Variants in TRPM6 observed in about 807,000 individuals in gnomAD.
TRPM6 encodes the protein channel kinase 2.
In TRPM6, 111 loss-of-function variants were observed where a neutral mutation model predicts 247.6. The ratio of observed to expected loss-of-function variants is 0.45; its 90% CI spans 0.38 to 0.52. TRPM6 has a LOEUF of 0.52. TRPM6 is among the 20% of genes least tolerant of loss of function. TRPM6 has a pLI of 0.00. For synonymous variants in TRPM6, 892 were observed against 853.8 expected, an observed-to-expected ratio of 1.04 and a Z score of -0.78; for missense variants, 2,126 against 2,421.5, an observed-to-expected ratio of 0.88 and a Z score of 2.56.
chr9:74,761,667 C>T, intron 27 of TRPM6, 29 bp downstream of exon 27: 1 of 1,445,140 alleles, frequency 6.9e-7, no homozygotes. Context: ...CTGCTCAAAA[C>T]CTAAAAGACA....
At chr9:74,750,287 T>C (rs1300973082) in intron 30 of TRPM6, among the ~76,000 whole-genome samples, 5 of 152,212 alleles carry the variant, frequency 3.3e-5, no homozygotes, top group African/African-American at 9.7e-5. Flanking sequence ...TAATCAGGTG[T>C]TCAGTCTAAG....
rs1172694332 is a variant in TRPM6 at position 74,723,483 on chromosome 9, T to C, written c.*1130A>G. The stretch of plus-strand genomic sequence containing the variant: ...ACCCTTTCTTAATGATTTCCAGTTC[T>C]TCATATTCTTGTTCTCGTTTAAAAA... On this transcript the variant is annotated 3_prime_UTR_variant, in exon 39 of 39. Transcript: ENST00000360774. 1.3e-5 allele frequency: 2 copies of C among 150,622 alleles called. No homozygotes were observed. Among genetic ancestry groups the C allele is most frequent in the East Asian group, 3.9e-4 (2 of 5,144 alleles). The allele number at this position is 150,622 out of a possible 1,614,324, so 9.3% of individuals were successfully genotyped here.
chr9:74,783,809 C>T (rs531543880), intron 21 of TRPM6, among the ~76,000 whole-genome samples: 1 of 152,204 alleles, frequency 6.6e-6, no homozygotes, highest in African/African-American at 2.4e-5. Context: ...TGTCTCTTTT[C>T]TGTCCTCTTT....
Position 74,750,670 on chromosome 9 carries a change from T to C in TRPM6, c.5051A>G (p.Asn1684Ser), listed in dbSNP as rs760792729. 3.9e-5 allele frequency: 63 copies of C among 1,613,400 alleles called. No individual in the cohort carries two copies. In the South Asian group the frequency reaches 5.8e-4, roughly 15 times the overall value. ...WNSRSTNLNR[N>S]SLLKSSIGVD... The stretch of plus-strand genomic sequence containing the variant: ...AACATTTAGAAATACTCACAGGGAG[T>C]TCCTATTGAGGTTGGTGCTCCTGGA... The change falls in exon 30 of 39, where the codon AAC becomes AGC. Residue 1684 changes from asparagine to serine, a missense_variant. Physicochemically the swap from Asn to Ser is conservative, Grantham distance 46 (BLOSUM62 1). This residue lies in a region of TRPM6 where 717 missense variants were observed against 715.9 expected (regional missense o/e 1.00). Coordinates refer to ENST00000360774, the MANE Select transcript of TRPM6 (RefSeq NM_017662.5).
intron 23 of TRPM6, among the ~76,000 whole-genome samples, chr9:74,779,506 C>T (rs985982092): frequency 2.6e-5 from 4 of 152,112 alleles, no homozygotes; most frequent in Non-Finnish European, 5.9e-5. Flanking sequence ...TGACTCTCAA[C>T]CCCTGTCTTC....
At chr9:74,752,231 C>G in intron 29 of TRPM6, 46 bp downstream of exon 29, 1 of 1,154,838 alleles carries the variant, frequency 8.7e-7, no homozygotes, top group Non-Finnish European at 1.3e-6. Flanking sequence ...AAGAGTAGCA[C>G]TGCATGCTCG....
chr9:74,785,192 G>T (rs571465540), intron 21 of TRPM6, among the ~76,000 whole-genome samples: 1 of 152,140 alleles, frequency 6.6e-6, no homozygotes, highest in African/African-American at 2.4e-5. Flanking sequence ...GAAGCCAGGC[G>T]TGATGGTGCA....
chr9:74,782,508 A>G (rs1827498245), intron 22 of TRPM6, 32 bp from the exon 23 acceptor site: 3 of 1,562,696 alleles, frequency 1.9e-6, no homozygotes, highest in Non-Finnish European at 2.6e-6. Context: ...AGAATGAAAG[A>G]TAAGATGAAT....
rs1179659817 is a variant in TRPM6, at chr9:74,887,392, G to A, written c.33+432C>T. 4 of 1,382,660 alleles carry A rather than the reference G, an allele frequency of 2.9e-6. No individual in the cohort carries two copies. In the African/African-American group the frequency reaches 4.4e-5, roughly 15 times the overall value. The allele number at this position is 1,382,660 out of a possible 1,614,324, so 85.6% of individuals were successfully genotyped here. A position where few individuals can be genotyped will look rare whatever the true frequency, so the allele number is the denominator to read the frequency against. ...GCGTCCGGGTCTGAGATCTGTGCCC[G>A]TGGCAGCTCAAAACGCGCCTTCTCT... On this transcript the variant is annotated intron_variant, in intron 1 of 38. Coordinates refer to ENST00000360774, the MANE Select transcript of TRPM6 (RefSeq NM_017662.5).
At chr9:74,810,921 G>T in intron 12 of TRPM6, 53 bp from the exon 13 acceptor site, 1 of 1,487,654 alleles carries the variant, frequency 6.7e-7, no homozygotes, top group Non-Finnish European at 9.4e-7. Context: ...CATGTGCTGG[G>T]GGGTAAAACC....
intron 1 of TRPM6, among the ~76,000 whole-genome samples, chr9:74,864,610 G>A (rs1830787797): frequency 6.6e-6 from 1 of 152,192 alleles, no homozygotes; most frequent in African/African-American, 2.4e-5. Context: ...CACTTTGGTG[G>A]TAAAAGGTGA....
intron 14 of TRPM6, chr9:74,804,497 C>T: frequency 1.4e-6 from 1 of 694,010 alleles, no homozygotes; most frequent in Non-Finnish European, 2.6e-6. Flanking sequence ...TCTATTTCTA[C>T]AGAGATCCTG....
chr9:74,784,264 G>GAAA (rs561088762), intron 21 of TRPM6, among the ~76,000 whole-genome samples: 5 of 81,800 alleles, frequency 6.1e-5, no homozygotes, highest in Non-Finnish European at 1.3e-4. Context: ...CTCCATCTCA[G>GAAA]AAAAAAAAAA....
At chr9:74,785,825 A>G in intron 21 of TRPM6, 49 bp downstream of exon 21, 3 of 1,612,012 alleles carry the variant, frequency 1.9e-6, no homozygotes, top group Non-Finnish European at 1.7e-6. Context: ...ACCTGGCTAA[A>G]AATAATTTTA....
chr9:74,869,065 G>T (rs1045160617), intron 1 of TRPM6, among the ~76,000 whole-genome samples: 3 of 152,172 alleles, frequency 2.0e-5, no homozygotes, highest in Non-Finnish European at 2.9e-5. Flanking sequence ...ATACTAAAAA[G>T]AAGATAAGAA....
At chr9:74,844,626 G>A (rs898136126) in intron 3 of TRPM6, among the ~76,000 whole-genome samples, 2 of 152,170 alleles carry the variant, frequency 1.3e-5, no homozygotes, top group Non-Finnish European at 2.9e-5. Flanking sequence ...GAATGCTGTG[G>A]CTGGTTTGAT....
At position 74,724,554 on chromosome 9, in the gene TRPM6, G is replaced by A; in HGVS notation, c.*59C>T. On this transcript the variant is annotated 3_prime_UTR_variant, in exon 39 of 39. Coordinates refer to ENST00000360774, the MANE Select transcript of TRPM6 (RefSeq NM_017662.5). ...ATCAACATCACGTTGATCAATCTATGTTATCACAGAGTTCCTGGCAGGCAG... is the reference window on the plus strand; with the variant it reads ...ATCAACATCACGTTGATCAATCTATATTATCACAGAGTTCCTGGCAGGCAG... 1 of 1,612,198 alleles carries A rather than the reference G, an allele frequency of 6.2e-7. No homozygotes were observed.
intron 24 of TRPM6, among the ~76,000 whole-genome samples, chr9:74,774,917 G>C (rs1564007876): frequency 6.6e-6 from 1 of 152,158 alleles, no homozygotes; most frequent in South Asian, 2.1e-4. Context: ...AAGAAAAAAG[G>C]ATTTCAGTTT....
Position 74,786,139 on chromosome 9 carries a change from G to T in TRPM6, c.2668-14C>A. 6.2e-7 allele frequency: 1 copy of T among 1,614,076 alleles called. No individual in the cohort carries two copies. The highest frequency in any genetic ancestry group is 8.5e-7 in the Non-Finnish European group (1 of 1,179,942). ...TGAAATACAGATCTAAAAGAAGGAA[G>T]AAGGAAACTTTAAAAAGGAGGTACA... is the stretch of plus-strand genomic sequence containing the variant. On this transcript the variant is annotated splice_polypyrimidine_tract_variant and intron_variant, in intron 20 of 38. Coordinates refer to ENST00000360774, the MANE Select transcript of TRPM6 (RefSeq NM_017662.5).
Sources: gnomAD v4.1 joint callset for allele counts (sites outside exome capture counted in the v4.1 genomes callset) on GRCh38, gnomAD v4.1.1 for gene constraint, gnomAD v4.1.1 regional missense constraint, MANE v1.5 for transcripts, NCBI Gene and HGNC (gene_info 2026-07-23, HGNC 2026-07-21) for gene names.